The following CCNL1 variants were observed in gnomAD, a reference collection of about 807,000 sequenced individuals.
CCNL1 encodes the protein cyclin L1.
A neutral mutation model predicts 60.6 loss-of-function variants in CCNL1; 13 were observed. The ratio of observed to expected loss-of-function variants is 0.21; its 90% CI spans 0.14 to 0.34. The LOEUF is 0.34. Among genes scored for constraint, CCNL1 ranks in the 10% least tolerant of loss-of-function variants. The pLI is 1.00. For synonymous variants in CCNL1, 270 were observed against 244.3 expected (o/e 1.10, Z -0.98); for missense variants, 481 against 664.3 (o/e 0.72, Z 3.03).
chr3:157,150,574 T>C, intron 5 of CCNL1, 193 bp from the exon 6 acceptor site: 2 of 1,316,310 alleles, frequency 1.5e-6, no homozygotes, highest in Non-Finnish European at 2.0e-6. Flanking sequence ...TAGGACCATA[T>C]GCGATTTTCC....
rs1360818792 is a variant in CCNL1 at position 157,159,843 on chromosome 3, G to A, written c.252C>T (p.Ile84=). 2.6e-6 allele frequency: 4 copies of A among 1,561,370 alleles called. No homozygotes were observed. The highest frequency in any genetic ancestry group is 2.4e-5 in the East Asian group (1 of 41,822). ...LDLPSETDLR[I]LGCELIQAAG... ...CGGCCTGGATGAGCTCGCAGCCCAG[G>A]ATGCGTAAGTCCGTCTCACTGGGCA... The change falls in exon 1 of 11, where the codon ATC becomes ATT. Residue 84 remains isoleucine, a synonymous_variant. Transcript: ENST00000295926.
Position 157,152,384 on chromosome 3 carries a change from T to C in CCNL1, c.610-143A>G, listed in dbSNP as rs1167022597. ...CAGACCAATTTAAATGTACATAAGA[T>C]TCTAATGTGAACTGCTACATGACTA... On this transcript the variant is annotated intron_variant, in intron 4 of 10. Transcript: ENST00000295926. The C allele has an allele frequency of 1.4e-5, 20 of 1,389,222 alleles. No homozygotes were observed. The East Asian group carries it at 1.9e-4, about 13-fold the overall frequency. The allele number at this position is 1,389,222 out of a possible 1,614,324, so 86.1% of individuals were successfully genotyped here.
downstream of CCNL1, chr3:157,146,672 T>TGACATTTGCCTTTGCC: frequency 5.4e-6 from 2 of 368,912 alleles, no homozygotes; most frequent in South Asian, 2.1e-5. Flanking sequence ...GGGCCTTTGC[T>TGACATTTGCCTTTGCC]GACATTTGCC....
chr3:157,159,716 G>T, intron 1 of CCNL1, 76 bp downstream of exon 1: 1 of 1,311,740 alleles, frequency 7.6e-7, no homozygotes, highest in Non-Finnish European at 1.0e-6. Context: ...CCCGGGGCAC[G>T]GTGATACTGA....
At position 157,159,429 on chromosome 3, in the gene CCNL1, T is replaced by C; in HGVS notation, c.354A>G (p.Lys118=). ...QVLFHRFFYS[K]SFVKHSFEIV... ...CCTCGAAACTGTGTTTGACGAAAGA[T>C]TTGGAGTAGAAAAAACGATGAAACA... Residue 118 remains lysine, a synonymous_variant, in exon 2 of 11, where the codon AAA becomes AAG. Coordinates refer to ENST00000295926, the MANE Select transcript of CCNL1 (RefSeq NM_020307.4). The C allele has an allele frequency of 6.2e-7, 1 of 1,614,100 alleles. No homozygotes were observed. Among genetic ancestry groups the C allele is most frequent in the Non-Finnish European group, 8.5e-7 (1 of 1,179,990 alleles).
chr3:157,148,014 T>C lies in CCNL1; in HGVS notation c.*227A>G. The C allele has an allele frequency of 7.7e-7, 1 of 1,306,654 alleles. No homozygotes were observed. Among genetic ancestry groups the C allele is most frequent in the Non-Finnish European group, 9.7e-7 (1 of 1,030,772 alleles). The allele number at this position is 1,306,654 out of a possible 1,614,324, so 80.9% of individuals were successfully genotyped here. On this transcript the variant is annotated 3_prime_UTR_variant, in exon 11 of 11. Coordinates refer to ENST00000295926, the MANE Select transcript of CCNL1 (RefSeq NM_020307.4). ...AATACACAACTATAATAAAGTACAA[T>C]TGAACCTGACCATGGTTTTTAATTA...
chr3:157,152,277 C>A (rs988174173), intron 4 of CCNL1, 36 bp from the exon 5 acceptor site: 18 of 1,584,736 alleles, frequency 1.1e-5, no homozygotes, highest in Admixed American at 2.0e-5. Context: ...ATTCAGTATA[C>A]TGGTAGTTCT....
chr3:157,151,334 GAACCACA>G lies in CCNL1; in HGVS notation c.674+836_674+842del, dbSNP rs1247907292. The G allele has an allele frequency of 7.1e-6, 7 of 985,668 alleles. No individual in the cohort carries two copies. The African/African-American group carries it at 1.2e-4, about 17-fold the overall frequency. The allele number at this position is 985,668 out of a possible 1,614,324, so 61.1% of individuals were successfully genotyped here. On this transcript the variant is annotated intron_variant, in intron 5 of 10. Coordinates refer to ENST00000295926, the MANE Select transcript of CCNL1 (RefSeq NM_020307.4). ...GTCTTAGGAAACAGTAGTTGTGGCT[GAACCACA>G]AACTCCTTGGCTTGACCTTTAAATA... is the stretch of plus-strand genomic sequence containing the variant.
At position 157,152,976 on chromosome 3, in the gene CCNL1, A is replaced by G. The variant is rs193212924; in HGVS notation, c.609+60T>C. The stretch of plus-strand genomic sequence containing the variant: ...AGATAGAAACATAAATTCATATAAA[A>G]TAAAATTTTTAGAAAAGTCCTAATA... On this transcript the variant is annotated intron_variant, in intron 4 of 10. Coordinates refer to ENST00000295926, the MANE Select transcript of CCNL1 (RefSeq NM_020307.4). 431 of 1,583,124 alleles carry G rather than the reference A, an allele frequency of 2.7e-4. 1 individual carries two copies. In the African/African-American group the frequency reaches 5.2e-3, roughly 19 times the overall value.
At chr3:157,154,933 TATACATACATAC>T (rs369407739) in intron 3 of CCNL1, among the ~76,000 whole-genome samples, 125 of 147,886 alleles carry the variant, frequency 8.5e-4, no homozygotes, top group African/African-American at 1.6e-3. Context: ...TCTCCATATA[TATACATACATAC>T]ATACATACAT....
chr3:157,153,051 G>C lies in CCNL1; in HGVS notation c.594C>G (p.Val198=), dbSNP rs1738318116. Residue 198 remains valine, a synonymous_variant, in exon 4 of 11, where the codon GTC becomes GTG. Transcript: ENST00000295926. ...VLKELGFCVH[V]KHPHKIIVMY... is the part of the protein sequence containing the mutation. Reference sequence around the variant, plus strand: ...TACAACTCACCTTATGAGGATGCTTGACATGAACACAAAATCCCAACTCCT... The same window carrying C: ...TACAACTCACCTTATGAGGATGCTTCACATGAACACAAAATCCCAACTCCT... The C allele has an allele frequency of 5.0e-6, 8 of 1,613,382 alleles. No individual in the cohort carries two copies. The highest frequency in any genetic ancestry group is 1.6e-4 in the Middle Eastern group (1 of 6,080).
At chr3:157,150,546 G>A in intron 5 of CCNL1, 165 bp from the exon 6 acceptor site, 2 of 1,369,390 alleles carry the variant, frequency 1.5e-6, no homozygotes, top group Non-Finnish European at 1.9e-6. Context: ...AAATCAGTAA[G>A]CAATAAGAAT....
At position 157,148,537 on chromosome 3, in the gene CCNL1, T is replaced by G. The variant is rs1249938064; in HGVS notation, c.1285A>C (p.Arg429=). Residue 429 remains arginine (R), a synonymous_variant, in exon 11 of 11, where the codon AGG becomes CGG. Coordinates refer to ENST00000295926, the MANE Select transcript of CCNL1 (RefSeq NM_020307.4). ...SGTYSSRSRS[R]SRSHSESPRR... is the part of the protein sequence containing the mutation. Reference sequence around the variant, plus strand: ...GGGCTTTCACTGTGACTGCGGGACCTGCTTCTTGATCTCGAGCTGTATGTT... The same window carrying G: ...GGGCTTTCACTGTGACTGCGGGACCGGCTTCTTGATCTCGAGCTGTATGTT... 6.2e-7 allele frequency: 1 copy of G among 1,614,164 alleles called. No homozygotes were observed. The highest frequency in any genetic ancestry group is 2.2e-5 in the East Asian group (1 of 44,882).
chr3:157,159,520 G>C (rs766766489), intron 1 of CCNL1, 41 bp from the exon 2 acceptor site: 1 of 1,565,584 alleles, frequency 6.4e-7, no homozygotes, highest in Admixed American at 1.7e-5. Flanking sequence ...GGGGTCAGGC[G>C]GGCCCGCTCC....
chr3:157,154,627 G>C (rs1420897181), intron 3 of CCNL1: 2 of 152,150 alleles, frequency 1.3e-5, no homozygotes, highest in Non-Finnish European at 2.9e-5. Context: ...AGAGTAAAAA[G>C]TCAGTTATCA....
chr3:157,156,984 C>G (rs1440877639), intron 3 of CCNL1: 1 of 1,289,820 alleles, frequency 7.8e-7, no homozygotes, highest in Admixed American at 2.3e-5. Context: ...CTGGCTTCTC[C>G]TTGGGGATTT....
chr3:157,147,528 T>C, downstream of CCNL1: 3 of 949,634 alleles, frequency 3.2e-6, no homozygotes, highest in Non-Finnish European at 3.8e-6. Flanking sequence ...AATTACCTTA[T>C]GACACCATTC....
chr3:157,152,283 G>C, intron 4 of CCNL1, 42 bp from the exon 5 acceptor site: 1 of 1,583,300 alleles, frequency 6.3e-7, no homozygotes, highest in Non-Finnish European at 8.5e-7. Context: ...TATACTGGTA[G>C]TTCTTTCGGA....
At position 157,147,910 on chromosome 3, in the gene CCNL1, A is replaced by G. The variant is rs2108106697; in HGVS notation, c.*331T>C. 1 of 1,034,916 alleles carries G rather than the reference A, an allele frequency of 9.7e-7. No homozygotes were observed. Among genetic ancestry groups the G allele is most frequent in the Admixed American group, 5.4e-5 (1 of 18,480 alleles). The allele number at this position is 1,034,916 out of a possible 1,614,324, so 64.1% of individuals were successfully genotyped here. ...TTAAACAAATAACCACTTAAATAGA[A>G]CAGTGTCTGCAATTTTATCTGTATA... On this transcript the variant is annotated 3_prime_UTR_variant, in exon 11 of 11. Transcript: ENST00000295926.
Sources: allele counts gnomAD v4.1 joint callset (sites outside exome capture counted in the v4.1 genomes callset), GRCh38; gene constraint gnomAD v4.1.1; transcripts MANE v1.5; gene names NCBI Gene and HGNC (gene_info 2026-07-23, HGNC 2026-07-21).